The following ARHGAP24 variants were observed in gnomAD, a reference collection of about 807,000 sequenced individuals.
ARHGAP24 encodes the protein rho GTPase-activating protein 24.
ARHGAP24 carries 50 observed loss-of-function variants against 76.4 expected under a neutral mutation model. The ratio of observed to expected loss-of-function variants is 0.65; its 90% CI spans 0.52 to 0.83. ARHGAP24 has a LOEUF of 0.83. Among genes scored for constraint, ARHGAP24 ranks in the 40% least tolerant of loss-of-function variants. The pLI, the probability that ARHGAP24 is intolerant of heterozygous loss-of-function variation, is 0.00. For synonymous variants in ARHGAP24, 345 were observed against 323.3 expected, an observed-to-expected ratio of 1.07 and a Z score of -0.72; for missense variants, 930 against 914.2, an observed-to-expected ratio of 1.02 and a Z score of -0.22.
intron 1 of ARHGAP24, among the ~76,000 whole-genome samples, chr4:85,490,375 G>T (rs988631141): frequency 6.6e-6 from 1 of 152,148 alleles, no homozygotes; most frequent in Non-Finnish European, 1.5e-5. Flanking sequence ...GAGGCCTCTG[G>T]TTCATAGGAA....
chr4:85,535,122 G>T (rs1299050047), intron 1 of ARHGAP24, among the ~76,000 whole-genome samples: 1 of 152,070 alleles, frequency 6.6e-6, no homozygotes, highest in Non-Finnish European at 1.5e-5. Flanking sequence ...TTTAGATACT[G>T]ATAGATTTTC....
At chr4:85,938,693 A>T (rs763278197) in intron 4 of ARHGAP24, among the ~76,000 whole-genome samples, 2 of 152,216 alleles carry the variant, frequency 1.3e-5, no homozygotes, top group Non-Finnish European at 1.5e-5. Flanking sequence ...CAGGAATTTT[A>T]AATCATATGT....
At chr4:85,598,746 G>C (rs1027946083) in intron 2 of ARHGAP24, among the ~76,000 whole-genome samples, 1 of 133,238 alleles carries the variant, frequency 7.5e-6, no homozygotes, top group Non-Finnish European at 1.6e-5. Flanking sequence ...GTTTTGTTTT[G>C]TTTTTTTTTT....
At chr4:85,687,282 A>G (rs1468063787) in intron 2 of ARHGAP24, among the ~76,000 whole-genome samples, 1 of 152,100 alleles carries the variant, frequency 6.6e-6, no homozygotes, top group Admixed American at 6.5e-5. Context: ...TACAATTTCA[A>G]CTTCTATTTT....
chr4:85,995,741 A>G, intron 9 of ARHGAP24, 84 bp downstream of exon 9: 1 of 1,333,270 alleles, frequency 7.5e-7, no homozygotes, highest in Non-Finnish European at 1.1e-6. Context: ...AGGGTGACAT[A>G]TGCTGGCTCC....
intron 3 of ARHGAP24, among the ~76,000 whole-genome samples, chr4:85,782,052 GAA>G (rs1342695240): frequency 2.5e-5 from 1 of 40,544 alleles, no homozygotes; most frequent in Admixed American, 3.0e-4. Context: ...AAAAAAAAAA[GAA>G]AAAAAAAAGA....
intron 3 of ARHGAP24, among the ~76,000 whole-genome samples, chr4:85,744,015 G>A (rs780386256): frequency 6.6e-6 from 1 of 151,876 alleles, no homozygotes; most frequent in Non-Finnish European, 1.5e-5. Context: ...TTATTGTTTG[G>A]TAGGTGATTT....
At chr4:85,539,893 A>G (rs72967858) in intron 1 of ARHGAP24, among the ~76,000 whole-genome samples, 18,642 of 151,868 alleles carry the variant, frequency 0.12, 3,210 homozygotes, top group African/African-American at 0.39. Flanking sequence ...ATCTCTACAA[A>G]AATTAGCTGG....
At chr4:85,807,384 T>C (rs1173252393) in intron 3 of ARHGAP24, among the ~76,000 whole-genome samples, 3 of 152,062 alleles carry the variant, frequency 2.0e-5, no homozygotes. Flanking sequence ...CTTGTGTTAG[T>C]TTGCTGAGAA....
intron 7 of ARHGAP24, among the ~76,000 whole-genome samples, chr4:85,976,959 T>A (rs992740575): frequency 6.6e-6 from 1 of 151,678 alleles, no homozygotes; most frequent in Non-Finnish European, 1.5e-5. Context: ...GTTTTTGTAT[T>A]TTTTTTAGTA....
At chr4:85,938,130 A>G (rs1212825966) in intron 4 of ARHGAP24, among the ~76,000 whole-genome samples, 1 of 152,220 alleles carries the variant, frequency 6.6e-6, no homozygotes, top group Admixed American at 6.5e-5. Context: ...ACCTACCAGT[A>G]TAATAAATTC....
At chr4:85,771,047 T>C (rs1442469742) in intron 3 of ARHGAP24, among the ~76,000 whole-genome samples, 1 of 152,236 alleles carries the variant, frequency 6.6e-6, no homozygotes, top group Non-Finnish European at 1.5e-5. Flanking sequence ...TACCAATAGC[T>C]TTATATTTCA....
rs923329745 is a variant in ARHGAP24 at position 85,905,387 on chromosome 4, T to C, written c.269-18261T>C. Reference sequence around the variant, plus strand: ...TTATACTTTCAGAAAAGACAGTCTGTTTTTTTGGCATGAAAAAAATTGTGA... The same window carrying C: ...TTATACTTTCAGAAAAGACAGTCTGCTTTTTTGGCATGAAAAAAATTGTGA... On this transcript the variant is annotated intron_variant, in intron 3 of 9. Coordinates refer to ENST00000395184, the MANE Select transcript of ARHGAP24 (RefSeq NM_001025616.3). Among the ~76,000 whole-genome samples the C allele has an allele frequency of 2.6e-4, 5 of 19,158 alleles. No individual in the cohort carries two copies. The South Asian group carries it at 0.018, about 70-fold the overall frequency. 12.6% of individuals were successfully genotyped at this position (19,158 alleles called of 152,430 possible). A position where few individuals can be genotyped will look rare whatever the true frequency, so the allele number is the denominator to read the frequency against.
chr4:85,624,528 G>T (rs1720859243), intron 2 of ARHGAP24, among the ~76,000 whole-genome samples: 1 of 152,178 alleles, frequency 6.6e-6, no homozygotes, highest in African/African-American at 2.4e-5. Flanking sequence ...GTTCATCAAG[G>T]ATATTGGTCT....
Position 85,592,927 on chromosome 4 carries a change from A to G in ARHGAP24, c.180+22206A>G, listed in dbSNP as rs940015015. ...TCCTTCCAATTCTTGGCTATTGTGA[A>G]CAGTGCAATAAACATGGGGGGTGCA... On this transcript the variant is annotated intron_variant, in intron 2 of 9. Transcript: ENST00000395184. 2.0e-5 allele frequency among the ~76,000 whole-genome samples: 3 copies of G among 152,160 alleles called. No individual in the cohort carries two copies. The East Asian group carries it at 5.8e-4, about 29-fold the overall frequency.
intron 1 of ARHGAP24, among the ~76,000 whole-genome samples, chr4:85,564,924 G>GTATATACATA (rs1553914960): frequency 9.4e-5 from 5 of 53,218 alleles, no homozygotes; most frequent in Non-Finnish European, 2.0e-4. Flanking sequence ...AACACACACG[G>GTATATACATA]TATATATATA....
intron 9 of ARHGAP24, among the ~76,000 whole-genome samples, chr4:85,998,526 A>G (rs1740815123): frequency 6.6e-6 from 1 of 151,696 alleles, no homozygotes; most frequent in South Asian, 2.1e-4. Context: ...CTTTTTGTCT[A>G]TTTCATCTTC....
At chr4:85,833,305 A>G (rs1170537785) in intron 3 of ARHGAP24, among the ~76,000 whole-genome samples, 2 of 152,170 alleles carry the variant, frequency 1.3e-5, no homozygotes, top group African/African-American at 2.4e-5. Context: ...TCAAAAAGCT[A>G]TCTATCAAGA....
intron 1 of ARHGAP24, among the ~76,000 whole-genome samples, chr4:85,530,613 C>G (rs867260472): frequency 2.6e-5 from 4 of 152,000 alleles, no homozygotes; most frequent in Admixed American, 1.3e-4. Context: ...TTAATGCTTG[C>G]CTTGCTAATT....
Sources: gnomAD v4.1 joint callset for allele counts (sites outside exome capture counted in the v4.1 genomes callset) on GRCh38, gnomAD v4.1.1 for gene constraint, MANE v1.5 for transcripts, NCBI Gene and HGNC (gene_info 2026-07-23, HGNC 2026-07-21) for gene names.